Variants in RP1 observed in about 807,000 individuals in gnomAD.
The protein encoded by RP1 is RP1 axonemal microtubule associated.
A neutral mutation model predicts 14.8 loss-of-function variants in RP1; 16 were observed. The ratio of observed to expected loss-of-function variants is 1.08; its 90% confidence interval spans 0.73 to 1.65. The LOEUF (loss-of-function observed/expected upper bound fraction) is 1.65, where lower values mean the gene tolerates loss of function less well. RP1 is among the 40% of genes most tolerant of loss of function. The pLI is 0.00. For synonymous variants in RP1, 876 were observed against 883.6 expected (o/e 0.99, Z 0.15); for missense variants, 2,631 against 2,535.0 (o/e 1.04, Z -0.81).
At chr8:54,640,275 CAT>C (rs1006456900) in intron 3 of RP1, among the ~76,000 whole-genome samples, 8 of 152,136 alleles carry the variant, frequency 5.3e-5, no homozygotes, top group Non-Finnish European at 1.2e-4. Context: ...TAATTAACCA[CAT>C]GTGTAGGGGT....
chr8:54,771,949 A>G (rs138318160), downstream of RP1, among the ~76,000 whole-genome samples: 7 of 152,160 alleles, frequency 4.6e-5, no homozygotes, highest in African/African-American at 1.4e-4. Flanking sequence ...ATGTAGCTTT[A>G]GGGGGAAGAA....
At chr8:54,608,707 T>C (rs575775876) in intron 1 of RP1, among the ~76,000 whole-genome samples, 2 of 152,322 alleles carry the variant, frequency 1.3e-5, no homozygotes, top group Admixed American at 1.3e-4. Flanking sequence ...AAAAGAAAAT[T>C]AGAGAGTAAG....
At chr8:54,607,605 C>G (rs1048578518) in intron 1 of RP1, among the ~76,000 whole-genome samples, 2 of 152,194 alleles carry the variant, frequency 1.3e-5, no homozygotes, top group African/African-American at 2.4e-5. Flanking sequence ...GCATAGGTTT[C>G]TGCTGCCTTT....
intron 15 of RP1, among the ~76,000 whole-genome samples, chr8:54,713,422 G>A (rs1808336766): frequency 6.6e-6 from 1 of 152,072 alleles, no homozygotes; most frequent in Admixed American, 6.6e-5. Context: ...AAAGATGTAG[G>A]AATTGTAGGA....
At chr8:54,778,072 A>G (rs1472798546) in intron 23 of RP1, among the ~76,000 whole-genome samples, 1 of 152,210 alleles carries the variant, frequency 6.6e-6, no homozygotes, top group Non-Finnish European at 1.5e-5. Context: ...AAAACGTTTC[A>G]TAAATCACCC....
chr8:54,812,250 T>C (rs919397252), intron 24 of RP1, among the ~76,000 whole-genome samples: 12 of 152,280 alleles, frequency 7.9e-5, no homozygotes, highest in African/African-American at 2.9e-4. Flanking sequence ...AAGCGATTCT[T>C]GTGCCTCAGC....
chr8:54,807,978 CAAA>C (rs11310545), intron 24 of RP1, among the ~76,000 whole-genome samples: 1 of 146,574 alleles, frequency 6.8e-6, no homozygotes. Context: ...TGATCTTATC[CAAA>C]AAAAAAAAAA....
chr8:54,739,116 T>C, intron 19 of RP1: 1 of 909,552 alleles, frequency 1.1e-6, no homozygotes, highest in Non-Finnish European at 1.6e-6. Flanking sequence ...AAACGGTATT[T>C]TCCTAATTAC....
chr8:54,727,640 C>T (rs1379877992), intron 17 of RP1, among the ~76,000 whole-genome samples: 1 of 151,904 alleles, frequency 6.6e-6, no homozygotes, highest in Non-Finnish European at 1.5e-5. Flanking sequence ...AATTAGGCTT[C>T]ATGATAAACA....
chr8:54,752,005 A>C (rs1013513626), intron 19 of RP1, among the ~76,000 whole-genome samples: 3 of 152,150 alleles, frequency 2.0e-5, no homozygotes, highest in African/African-American at 7.2e-5. Context: ...GCTTCTTGCC[A>C]ATTTGCATGG....
At chr8:54,790,153 A>T (rs1369014478) in intron 24 of RP1, among the ~76,000 whole-genome samples, 2 of 152,154 alleles carry the variant, frequency 1.3e-5, no homozygotes, top group African/African-American at 4.8e-5. Flanking sequence ...GCCCAACCAG[A>T]AGTTCTGCCT....
At chr8:54,766,217 A>G (rs1177222362) in intron 22 of RP1, among the ~76,000 whole-genome samples, 1 of 152,220 alleles carries the variant, frequency 6.6e-6, no homozygotes, top group Non-Finnish European at 1.5e-5. Context: ...CTTTCTGGGA[A>G]AAGAGGGGGA....
intron 12 of RP1, among the ~76,000 whole-genome samples, chr8:54,693,242 C>T (rs1482312718): frequency 2.6e-5 from 4 of 151,844 alleles, no homozygotes; most frequent in African/African-American, 9.7e-5. Flanking sequence ...AGTTTGAAGT[C>T]AGGTAGTGTG....
intron 12 of RP1, among the ~76,000 whole-genome samples, chr8:54,693,249 T>C (rs1308236423): frequency 3.9e-5 from 6 of 152,104 alleles, no homozygotes; most frequent in East Asian, 3.9e-4. Context: ...AGTCAGGTAG[T>C]GTGATGCCTC....
intron 14 of RP1, chr8:54,706,410 G>T: frequency 6.5e-7 from 1 of 1,530,614 alleles, no homozygotes. Context: ...GCCCGTTACT[G>T]ACTGCCTTTC....
At chr8:54,580,307 T>TC (rs1215865897) in intron 1 of RP1, among the ~76,000 whole-genome samples, 1 of 135,490 alleles carries the variant, frequency 7.4e-6, no homozygotes, top group East Asian at 2.1e-4. Flanking sequence ...CTTCTTTTTT[T>TC]TTTTTTTTTT....
At chr8:54,842,073 A>G (rs1303303863) in intron 25 of RP1, among the ~76,000 whole-genome samples, 3 of 152,228 alleles carry the variant, frequency 2.0e-5, no homozygotes, top group African/African-American at 7.2e-5. Flanking sequence ...AGCAAGTTTT[A>G]GATAACAACT....
intron 12 of RP1, among the ~76,000 whole-genome samples, chr8:54,697,494 G>T (rs1355215054): frequency 6.6e-6 from 1 of 152,190 alleles, no homozygotes; most frequent in Non-Finnish European, 1.5e-5. Context: ...GGCAGATGCT[G>T]CAGTGAGCCA....
At chr8:54,788,121 C>G (rs1052129148) in intron 24 of RP1, among the ~76,000 whole-genome samples, 1 of 152,120 alleles carries the variant, frequency 6.6e-6, no homozygotes, top group African/African-American at 2.4e-5. Flanking sequence ...GATAATTTTT[C>G]AGATGAATGA....
Sources: gnomAD v4.1 joint callset for allele counts (sites outside exome capture counted in the v4.1 genomes callset) on GRCh38, gnomAD v4.1.1 for gene constraint, MANE v1.5 for transcripts, NCBI Gene and HGNC (gene_info 2026-07-23, HGNC 2026-07-21) for gene names.